XKR6: variants seen among roughly 807,000 people sequenced by gnomAD.
XKR6 encodes XK related 6, also known as XK-related protein 6.
A neutral mutation model predicts 56.7 loss-of-function variants in XKR6; 22 were observed. That is an observed-to-expected ratio of 0.39 (90% CI 0.28 to 0.55). XKR6 has a LOEUF of 0.55. Ranked by LOEUF, XKR6 falls within the 20% of genes least tolerant of loss-of-function variation. The pLI, the probability that XKR6 is intolerant of heterozygous loss-of-function variation, is 0.66. For missense variants in XKR6, 852 were observed against 889.0 expected (o/e 0.96, Z 0.53); for synonymous variants, 524 against 387.8 (o/e 1.35, Z -4.13).
chr8:11,101,343 G>A (rs1489568785), intron 1 of XKR6, among the ~76,000 whole-genome samples: 1 of 152,178 alleles, frequency 6.6e-6, no homozygotes, highest in African/African-American at 2.4e-5. Flanking sequence ...TGAAAAAGAT[G>A]CCGTGATTGG....
At chr8:11,130,696 G>A (rs1194222717) in intron 1 of XKR6, among the ~76,000 whole-genome samples, 1 of 151,696 alleles carries the variant, frequency 6.6e-6, no homozygotes, top group African/African-American at 2.4e-5. Context: ...TCAGACAAAG[G>A]TACAGATTGT....
intron 1 of XKR6, among the ~76,000 whole-genome samples, chr8:11,005,660 T>A (rs1182367089): frequency 6.6e-6 from 1 of 152,110 alleles, no homozygotes; most frequent in Non-Finnish European, 1.5e-5. Flanking sequence ...GAAAAATACA[T>A]CACATTGTAA....
chr8:11,161,671 G>C (rs1801820476), intron 1 of XKR6, among the ~76,000 whole-genome samples: 1 of 152,182 alleles, frequency 6.6e-6, no homozygotes, highest in African/African-American at 2.4e-5. Context: ...TCTTTACTAT[G>C]TTGGGAGCAT....
At chr8:10,942,045 C>T (rs1013203381) in intron 1 of XKR6, among the ~76,000 whole-genome samples, 1 of 152,200 alleles carries the variant, frequency 6.6e-6, no homozygotes, top group Admixed American at 6.5e-5. Context: ...GTTATCCCCT[C>T]TGAGGGATTT....
chr8:10,994,877 G>T (rs1228482301), intron 1 of XKR6, among the ~76,000 whole-genome samples: 1 of 152,190 alleles, frequency 6.6e-6, no homozygotes, highest in Non-Finnish European at 1.5e-5. Context: ...GGACAGCAGT[G>T]GGTGGGACAG....
chr8:11,159,740 G>A (rs778682087), intron 1 of XKR6, among the ~76,000 whole-genome samples: 14 of 152,200 alleles, frequency 9.2e-5, no homozygotes, highest in Non-Finnish European at 1.5e-4. Context: ...TGGCAACTGC[G>A]TATCTCTAAG....
chr8:10,986,010 A>T (rs936203151), intron 1 of XKR6, among the ~76,000 whole-genome samples: 2 of 152,240 alleles, frequency 1.3e-5, no homozygotes, highest in Non-Finnish European at 2.9e-5. Context: ...GGAGAGAAGG[A>T]GACTACTAAT....
rs117119573 is a variant in XKR6 at position 11,028,343 on chromosome 8, C to T, written c.765-103513G>A. On this transcript the variant is annotated intron_variant, in intron 1 of 2. Coordinates refer to ENST00000416569, the MANE Select transcript of XKR6 (RefSeq NM_173683.4). Reference sequence around the variant, plus strand: ...TCGTTTGCATGGATCACAGTTTACCCGTTCACCTGCTGACGGACACCTTGC... The same window carrying T: ...TCGTTTGCATGGATCACAGTTTACCTGTTCACCTGCTGACGGACACCTTGC... 3.0e-3 allele frequency among the ~76,000 whole-genome samples: 463 copies of T among 152,314 alleles called. 6 individuals are homozygous for T. The highest frequency in any genetic ancestry group is 0.026 in the Admixed American group (405 of 15,298).
At chr8:10,950,566 A>G (rs1801688068) in intron 1 of XKR6, among the ~76,000 whole-genome samples, 1 of 152,230 alleles carries the variant, frequency 6.6e-6, no homozygotes, top group South Asian at 2.1e-4. Flanking sequence ...GACTTCCAGC[A>G]GGTGCAAATG....
chr8:11,034,479 G>A (rs917794391), intron 1 of XKR6, among the ~76,000 whole-genome samples: 6 of 152,188 alleles, frequency 3.9e-5, no homozygotes, highest in African/African-American at 1.4e-4. Context: ...CACAAGGATG[G>A]GGGAGCCAGA....
At chr8:11,111,790 T>C (rs919775247) in intron 1 of XKR6, 1 of 152,190 alleles carries the variant, frequency 6.6e-6, no homozygotes, top group Non-Finnish European at 1.5e-5. Context: ...AGTTACTAGA[T>C]ATGTGAAAAC....
chr8:10,919,330 G>C lies in XKR6; in HGVS notation c.961+5304C>G, dbSNP rs546264831. Among the ~76,000 whole-genome samples the C allele has an allele frequency of 2.6e-5, 4 of 152,328 alleles. No homozygotes were observed. The South Asian group carries it at 8.3e-4, about 32-fold the overall frequency. On this transcript the variant is annotated intron_variant, in intron 2 of 2. Coordinates refer to ENST00000416569, the MANE Select transcript of XKR6 (RefSeq NM_173683.4). ...GGCTTTTCCTGACCCCCTGCCTAAA[G>C]TGGGCTTTCTCCAACCCCAACCAGT...
chr8:11,108,254 G>C (rs765611231), intron 1 of XKR6: 5 of 455,808 alleles, frequency 1.1e-5, no homozygotes, highest in Non-Finnish European at 2.2e-5. Context: ...TAAGGAATAA[G>C]GAAGGAATTA....
intron 1 of XKR6, among the ~76,000 whole-genome samples, chr8:10,963,733 A>T (rs141710990): frequency 6.6e-5 from 10 of 152,016 alleles, no homozygotes; most frequent in African/African-American, 2.4e-4. Context: ...TTGTAGAGAC[A>T]GGCTCTTCCT....
chr8:11,083,305 G>A (rs763050764), intron 1 of XKR6, among the ~76,000 whole-genome samples: 1 of 152,172 alleles, frequency 6.6e-6, no homozygotes, highest in African/African-American at 2.4e-5. Context: ...AATGCCTCCT[G>A]TTCCCCTACC....
intron 1 of XKR6, 37 bp from the exon 2 acceptor site, chr8:10,924,867 G>T (rs373706909): frequency 6.3e-7 from 1 of 1,590,616 alleles, no homozygotes. Flanking sequence ...GAGAGCATGG[G>T]TGGGTGCAGG....
chr8:11,037,970 T>C (rs1799189091), intron 1 of XKR6, among the ~76,000 whole-genome samples: 1 of 149,642 alleles, frequency 6.7e-6, no homozygotes, highest in Non-Finnish European at 1.5e-5. Flanking sequence ...GAGGTTGTAG[T>C]GAGCCAAGAT....
At chr8:11,196,591 T>C (rs1464527020) in intron 1 of XKR6, among the ~76,000 whole-genome samples, 1 of 152,216 alleles carries the variant, frequency 6.6e-6, no homozygotes, top group African/African-American at 2.4e-5. Context: ...TGGTACCCGA[T>C]CATTCCTTTC....
chr8:10,903,947 C>T (rs550604546), intron 2 of XKR6, among the ~76,000 whole-genome samples: 32 of 152,234 alleles, frequency 2.1e-4, no homozygotes, highest in African/African-American at 7.0e-4. Context: ...GGAGAATTTC[C>T]GTCTTGTCTG....
Sources: allele counts gnomAD v4.1 joint callset (sites outside exome capture counted in the v4.1 genomes callset), GRCh38; gene constraint gnomAD v4.1.1; transcripts MANE v1.5; gene names NCBI Gene and HGNC (gene_info 2026-07-23, HGNC 2026-07-21).